Variants in GRK4 observed in about 807,000 individuals in gnomAD.
The protein encoded by GRK4 is G protein-coupled receptor kinase 4.
Under a neutral mutation model 77.9 loss-of-function variants are expected in GRK4, and 73 were observed. That is an observed-to-expected ratio of 0.94 (90% CI 0.78 to 1.14). The LOEUF (loss-of-function observed/expected upper bound fraction) is 1.14. Among genes scored for constraint, GRK4 ranks in the 50% most tolerant of loss-of-function variants. The pLI is 0.00. For missense variants in GRK4, 729 were observed against 700.2 expected, an observed-to-expected ratio of 1.04 and a Z score of -0.46; for synonymous variants, 257 against 254.4, an observed-to-expected ratio of 1.01 and a Z score of -0.10.
intron 1 of GRK4, among the ~76,000 whole-genome samples, chr4:2,973,339 T>A (rs939834314): frequency 6.6e-6 from 1 of 152,166 alleles, no homozygotes; most frequent in Admixed American, 6.5e-5. Flanking sequence ...GCCTTCTCTA[T>A]CCACACTCAT....
chr4:2,964,848 C>T (rs1717002880), intron 1 of GRK4, among the ~76,000 whole-genome samples: 1 of 151,854 alleles, frequency 6.6e-6, no homozygotes, highest in South Asian at 2.1e-4. Context: ...TTAGCAAGCT[C>T]ACTTTAAGGA....
chr4:2,965,618 A>T (rs1221647769), intron 1 of GRK4: 1 of 622,048 alleles, frequency 1.6e-6, no homozygotes, highest in Non-Finnish European at 2.9e-6. Context: ...CTGAGGTGGA[A>T]GGCTCACTTG....
At chr4:2,993,322 C>A (rs933852110) in intron 4 of GRK4, among the ~76,000 whole-genome samples, 4 of 152,100 alleles carry the variant, frequency 2.6e-5, no homozygotes, top group Admixed American at 6.6e-5. Context: ...CTGGGCAGGG[C>A]CCTATATTGT....
intron 3 of GRK4, among the ~76,000 whole-genome samples, chr4:2,989,043 G>A (rs544680914): frequency 3.9e-5 from 6 of 152,226 alleles, no homozygotes; most frequent in East Asian, 1.9e-4. Flanking sequence ...TTAGCCGGGC[G>A]TGGTGGCGCG....
chr4:2,976,293 G>A (rs1302337685), intron 1 of GRK4, among the ~76,000 whole-genome samples: 1 of 150,606 alleles, frequency 6.6e-6, no homozygotes, highest in Admixed American at 6.6e-5. Context: ...ATGCAGTGGC[G>A]CAGTCATGGC....
Sources: allele counts gnomAD v4.1 joint callset (sites outside exome capture counted in the v4.1 genomes callset), GRCh38; gene constraint gnomAD v4.1.1; transcripts MANE v1.5; gene names NCBI Gene and HGNC (gene_info 2026-07-23, HGNC 2026-07-21).